Variants in ARHGAP24 observed in about 807,000 individuals in gnomAD.
ARHGAP24 encodes the protein Rho GTPase activating protein 24, also known as rho GTPase-activating protein 24.
A neutral mutation model predicts 76.4 loss-of-function variants in ARHGAP24; 50 were observed. That is an observed-to-expected ratio of 0.65 (90% CI 0.52 to 0.83). The LOEUF is 0.83. Among genes scored for constraint, ARHGAP24 ranks in the 40% least tolerant of loss-of-function variants. The pLI, the probability that ARHGAP24 is intolerant of heterozygous loss-of-function variation, is 0.00. For synonymous variants in ARHGAP24, 345 were observed against 323.3 expected (o/e 1.07, Z -0.72); for missense variants, 930 against 914.2 (o/e 1.02, Z -0.22).
intron 5 of ARHGAP24, among the ~76,000 whole-genome samples, chr4:85,968,436 A>G (rs1287020291): frequency 6.6e-6 from 1 of 152,176 alleles, no homozygotes; most frequent in Non-Finnish European, 1.5e-5. Flanking sequence ...TTTTAGGCAC[A>G]TTGGGCAATT....
intron 6 of ARHGAP24, chr4:85,972,376 A>C: frequency 1.6e-6 from 1 of 621,832 alleles, no homozygotes; most frequent in Non-Finnish European, 2.7e-6. Context: ...AATATGGCTG[A>C]ATAAATTAAA....
chr4:85,873,331 G>A (rs1279041754), intron 3 of ARHGAP24, among the ~76,000 whole-genome samples: 1 of 152,124 alleles, frequency 6.6e-6, no homozygotes, highest in Non-Finnish European at 1.5e-5. Flanking sequence ...ACACATTATG[G>A]CCGCTTGATA....
intron 2 of ARHGAP24, among the ~76,000 whole-genome samples, chr4:85,721,047 T>C (rs1194800079): frequency 1.3e-5 from 2 of 152,098 alleles, no homozygotes; most frequent in East Asian, 3.9e-4. Flanking sequence ...ACACAGACTT[T>C]TAAGTATATC....
At chr4:85,683,117 T>TGGGGGGGGGGGGGGGGGGGGGGGG (rs201448168) in intron 2 of ARHGAP24, among the ~76,000 whole-genome samples, 5 of 56,940 alleles carry the variant, frequency 8.8e-5, no homozygotes, top group South Asian at 1.2e-3. Flanking sequence ...TGTGGGGGGG[T>TGGGGGGGGGGGGGGGGGGGGGGGG]GGGGGGGGGG....
intron 2 of ARHGAP24, among the ~76,000 whole-genome samples, chr4:85,646,457 CCA>C (rs2109975816): frequency 6.6e-6 from 1 of 151,970 alleles, no homozygotes; most frequent in East Asian, 1.9e-4. Flanking sequence ...GTTCAATTTC[CCA>C]TTCTTTTTGG....
chr4:85,830,628 A>T (rs1229695603), intron 3 of ARHGAP24, among the ~76,000 whole-genome samples: 16 of 152,328 alleles, frequency 1.1e-4, no homozygotes, highest in African/African-American at 3.6e-4. Flanking sequence ...CTCTTCCCAA[A>T]GCAGTATAGA....
At chr4:85,831,429 G>T (rs1314154471) in intron 3 of ARHGAP24, among the ~76,000 whole-genome samples, 1 of 152,084 alleles carries the variant, frequency 6.6e-6, no homozygotes, top group African/African-American at 2.4e-5. Flanking sequence ...TAAAAAGAGA[G>T]ACTTTTACAT....
chr4:85,836,185 T>G (rs1730279391), intron 3 of ARHGAP24, among the ~76,000 whole-genome samples: 1 of 152,174 alleles, frequency 6.6e-6, no homozygotes, highest in African/African-American at 2.4e-5. Flanking sequence ...TGTGTTAAGT[T>G]TTGTGGTACA....
intron 3 of ARHGAP24, among the ~76,000 whole-genome samples, chr4:85,885,404 G>A (rs1408389003): frequency 1.3e-5 from 2 of 151,974 alleles, no homozygotes; most frequent in Middle Eastern, 3.2e-3. Flanking sequence ...CTAATTCATA[G>A]TACATTATCT....
intron 2 of ARHGAP24, among the ~76,000 whole-genome samples, chr4:85,631,126 A>G (rs1721144396): frequency 6.6e-6 from 1 of 152,306 alleles, no homozygotes; most frequent in Admixed American, 6.5e-5. Flanking sequence ...GTTCTGCATC[A>G]TACTTTGGAA....
intron 3 of ARHGAP24, among the ~76,000 whole-genome samples, chr4:85,813,336 G>A (rs1428028000): frequency 6.6e-6 from 1 of 152,152 alleles, no homozygotes; most frequent in Admixed American, 6.5e-5. Flanking sequence ...TATAATAATG[G>A]GGGGTGGAGG....
At chr4:85,678,040 A>G (rs1723048612) in intron 2 of ARHGAP24, among the ~76,000 whole-genome samples, 1 of 150,870 alleles carries the variant, frequency 6.6e-6, no homozygotes, top group Admixed American at 6.6e-5. Flanking sequence ...GCTCCATCAA[A>G]GAAAAAAAAA....
chr4:85,689,881 G>A (rs887387171), intron 2 of ARHGAP24, among the ~76,000 whole-genome samples: 6 of 152,128 alleles, frequency 3.9e-5, no homozygotes, highest in Non-Finnish European at 8.8e-5. Context: ...ATTAGTCTGT[G>A]TAGGACTTAC....
intron 4 of ARHGAP24, among the ~76,000 whole-genome samples, chr4:85,939,114 A>C (rs1382573041): frequency 6.6e-6 from 1 of 152,134 alleles, no homozygotes; most frequent in Non-Finnish European, 1.5e-5. Context: ...TCCTCCTTAA[A>C]ATGCAAGGAA....
intron 3 of ARHGAP24, among the ~76,000 whole-genome samples, chr4:85,863,355 C>T (rs1244645159): frequency 6.6e-6 from 1 of 152,050 alleles, no homozygotes; most frequent in Non-Finnish European, 1.5e-5. Flanking sequence ...CGATTAATTT[C>T]CTTCATAGCA....
At chr4:85,749,947 A>AGCAGCAGCAGCAGCAGCG (rs1179683782) in intron 3 of ARHGAP24, among the ~76,000 whole-genome samples, 7 of 151,638 alleles carry the variant, frequency 4.6e-5, no homozygotes, top group Non-Finnish European at 7.4e-5. Context: ...CTGTGGTCTC[A>AGCAGCAGCAGCAGCAGCG]GCAGCAGCAG....
intron 3 of ARHGAP24, among the ~76,000 whole-genome samples, chr4:85,742,683 T>G (rs3889735): frequency 1.3e-5 from 2 of 152,178 alleles, no homozygotes; most frequent in Non-Finnish European, 2.9e-5. Context: ...GTTCAATCCC[T>G]GATTTCTGTG....
intron 2 of ARHGAP24, among the ~76,000 whole-genome samples, chr4:85,592,711 C>A (rs4693711): frequency 0.51 from 77,678 of 151,938 alleles, 21,609 homozygotes; most frequent in Non-Finnish European, 0.64. Flanking sequence ...ATTTTTAACT[C>A]CCACATATAA....
intron 2 of ARHGAP24, among the ~76,000 whole-genome samples, chr4:85,709,224 G>T (rs1313653317): frequency 6.6e-6 from 1 of 152,068 alleles, no homozygotes; most frequent in African/African-American, 2.4e-5. Flanking sequence ...AGATGCAAAG[G>T]TGCCTGGGAA....
Sources: allele counts gnomAD v4.1 joint callset (sites outside exome capture counted in the v4.1 genomes callset), GRCh38; gene constraint gnomAD v4.1.1; transcripts MANE v1.5; gene names NCBI Gene and HGNC (gene_info 2026-07-23, HGNC 2026-07-21).